RBFOX1: variants seen among roughly 807,000 people sequenced by gnomAD.
The protein encoded by RBFOX1 is RNA binding fox-1 homolog 1.
RBFOX1 carries 8 observed loss-of-function variants against 57.7 expected under a neutral mutation model. The observed-to-expected ratio is 0.14, with a 90% confidence interval of 0.08 to 0.25. The LOEUF (loss-of-function observed/expected upper bound fraction) is 0.25. RBFOX1 is among the 10% of genes least tolerant of loss of function. RBFOX1 has a pLI of 1.00. For synonymous variants in RBFOX1, 326 were observed against 222.4 expected, an observed-to-expected ratio of 1.47 and a Z score of -4.15; for missense variants, 611 against 548.5, an observed-to-expected ratio of 1.11 and a Z score of -1.14.
intron 1 of RBFOX1, among the ~76,000 whole-genome samples, chr16:6,025,570 G>C (rs4786807): frequency 0.94 from 142,817 of 152,046 alleles, 67,076 homozygotes; most frequent in African/African-American, 0.95. Context: ...TGACTGACAA[G>C]TCTCCTGGGA....
At chr16:7,639,677 G>C (rs993076467) in intron 11 of RBFOX1, among the ~76,000 whole-genome samples, 1 of 152,144 alleles carries the variant, frequency 6.6e-6, no homozygotes, top group Non-Finnish European at 1.5e-5. Flanking sequence ...CCCAACAGGA[G>C]ACTTATTCAC....
At chr16:6,405,922 A>G (rs1245630611) in intron 2 of RBFOX1, among the ~76,000 whole-genome samples, 5 of 152,246 alleles carry the variant, frequency 3.3e-5, no homozygotes, top group Non-Finnish European at 7.3e-5. Context: ...TTGCAAGTGC[A>G]TGAGAATTAT....
At chr16:7,355,439 C>G (rs971206434) in intron 4 of RBFOX1, among the ~76,000 whole-genome samples, 10 of 152,142 alleles carry the variant, frequency 6.6e-5, no homozygotes, top group African/African-American at 1.9e-4. Context: ...GAGACAATAC[C>G]TGCTAACGAT....
chr16:6,318,625 A>C (rs1477418164), intron 2 of RBFOX1, among the ~76,000 whole-genome samples: 2 of 152,112 alleles, frequency 1.3e-5, no homozygotes, highest in African/African-American at 2.4e-5. Context: ...CCAACCCTGC[A>C]CTGGGATTGA....
In RBFOX1 at chr16:6,095,691, C is replaced by T. The variant is rs149826413; in HGVS notation, c.-127+75699C>T. Reference sequence around the variant, plus strand: ...ATTAGTTCTTCTTCCATTCTCTCTTCTGCGATGGAAAGAAAAAGAAAAAAA... The same window carrying T: ...ATTAGTTCTTCTTCCATTCTCTCTTTTGCGATGGAAAGAAAAAGAAAAAAA... On this transcript the variant is annotated intron_variant, in intron 1 of 15. Transcript: ENST00000550418. Among the ~76,000 whole-genome samples the T allele has an allele frequency of 3.8e-3, 570 of 151,060 alleles. 3 individuals are homozygous for T. The highest frequency in any genetic ancestry group is 0.013 in the African/African-American group (533 of 40,990).
Position 6,752,289 on chromosome 16 carries a change from T to C in RBFOX1, c.-16+97639T>C, listed in dbSNP as rs533171838. ...CGAAGTGATAGATTGAAATGCAATT[T>C]GGATGTACTCCAGACCTCCAATAAC... On this transcript the variant is annotated intron_variant, in intron 3 of 15. Transcript: ENST00000550418. Among the ~76,000 whole-genome samples the C allele has an allele frequency of 2.6e-5, 4 of 152,304 alleles. No individual in the cohort carries two copies. The East Asian group carries it at 5.8e-4, about 22-fold the overall frequency.
chr16:5,772,318 T>C (rs1246509070), intron 3 of RBFOX1, among the ~76,000 whole-genome samples: 3 of 151,990 alleles, frequency 2.0e-5, no homozygotes, highest in Non-Finnish European at 4.4e-5. Flanking sequence ...GTAGAGTCTG[T>C]ACGCCGCCTC....
At chr16:7,489,898 T>C (rs1031499253) in intron 4 of RBFOX1, among the ~76,000 whole-genome samples, 2 of 152,158 alleles carry the variant, frequency 1.3e-5, no homozygotes, top group African/African-American at 4.8e-5. Flanking sequence ...ATGATGCATG[T>C]ACAATGGTTT....
intron 3 of RBFOX1, among the ~76,000 whole-genome samples, chr16:5,856,179 CTCTCTCTCTATATATA>C (rs2057028565): frequency 3.7e-5 from 2 of 54,404 alleles, no homozygotes; most frequent in African/African-American, 1.4e-4. Flanking sequence ...CTCTCTCTCT[CTCTCTCTCTATATATA>C]TATATATATA....
At chr16:5,586,565 A>G (rs1211413500) in intron 2 of RBFOX1, among the ~76,000 whole-genome samples, 5 of 152,238 alleles carry the variant, frequency 3.3e-5, no homozygotes, top group Non-Finnish European at 2.9e-5. Flanking sequence ...TGGCATGATT[A>G]TAACTCACTG....
intron 3 of RBFOX1, among the ~76,000 whole-genome samples, chr16:7,000,599 T>TTC (rs2092701143): frequency 2.5e-5 from 3 of 120,212 alleles, no homozygotes; most frequent in Admixed American, 8.2e-5. Context: ...TTTCTTTCTT[T>TTC]TTTTTTTTTT....
chr16:6,261,700 A>G lies in RBFOX1; in HGVS notation c.-126-55295A>G, dbSNP rs536471553. ...AAAACAGTGGCTTTTAAAAGTTAAA[A>G]GTAGGCTTTCTTCAGTCCAGGCATG... On this transcript the variant is annotated intron_variant, in intron 1 of 15. Transcript: ENST00000550418. Among the ~76,000 whole-genome samples, 10 of 152,298 alleles carry G rather than the reference A, an allele frequency of 6.6e-5. 1 individual carries two copies. The South Asian group carries it at 2.1e-3, about 32-fold the overall frequency.
chr16:5,834,687 G>GTAGGTAGATAGATAGATAGA (rs1555541440), intron 3 of RBFOX1, among the ~76,000 whole-genome samples: 31 of 134,860 alleles, frequency 2.3e-4, no homozygotes, highest in South Asian at 1.8e-3. Flanking sequence ...AATGGGATAG[G>GTAGGTAGATAGATAGATAGA]TAGATAGATA....
At chr16:6,112,156 A>G (rs1251559208) in intron 1 of RBFOX1, among the ~76,000 whole-genome samples, 1 of 152,176 alleles carries the variant, frequency 6.6e-6, no homozygotes, top group East Asian at 1.9e-4. Context: ...TTAACCATTA[A>G]GTTCTTCATT....
chr16:6,615,425 C>G (rs1337856108), intron 2 of RBFOX1, among the ~76,000 whole-genome samples: 2 of 152,102 alleles, frequency 1.3e-5, no homozygotes, highest in African/African-American at 4.8e-5. Context: ...CAAAAATTAG[C>G]TGGGTGTGCT....
chr16:5,792,029 G>A (rs1359079300), intron 3 of RBFOX1, among the ~76,000 whole-genome samples: 1 of 152,148 alleles, frequency 6.6e-6, no homozygotes, highest in African/African-American at 2.4e-5. Flanking sequence ...CCGCAACCCA[G>A]GCACCCTGCA....
intron 4 of RBFOX1, among the ~76,000 whole-genome samples, chr16:7,340,281 A>G (rs1352929211): frequency 6.6e-6 from 1 of 152,352 alleles, no homozygotes; most frequent in East Asian, 1.9e-4. Flanking sequence ...TTTCTCCCCC[A>G]TAACTTTGCA....
intron 2 of RBFOX1, among the ~76,000 whole-genome samples, chr16:6,340,561 A>G (rs1181551703): frequency 1.3e-5 from 2 of 152,198 alleles, no homozygotes; most frequent in African/African-American, 2.4e-5. Flanking sequence ...TTTTTAGACC[A>G]TGTAGGGTAA....
At chr16:6,521,092 C>G (rs939406365) in intron 2 of RBFOX1, among the ~76,000 whole-genome samples, 1 of 152,106 alleles carries the variant, frequency 6.6e-6, no homozygotes, top group African/African-American at 2.4e-5. Context: ...CGGCTGACGA[C>G]AATCAGGCAG....
Sources: gnomAD v4.1 joint callset for allele counts (sites outside exome capture counted in the v4.1 genomes callset) on GRCh38, gnomAD v4.1.1 for gene constraint, MANE v1.5 for transcripts, NCBI Gene and HGNC (gene_info 2026-07-23, HGNC 2026-07-21) for gene names.